Variants in EIF3D observed in about 807,000 individuals in gnomAD.
EIF3D encodes the protein eIF3 p66.
Under a neutral mutation model 75.4 loss-of-function variants are expected in EIF3D, and 10 were observed. The observed-to-expected ratio is 0.13, with a 90% CI of 0.08 to 0.22. The LOEUF is 0.22. EIF3D is among the 10% of genes least tolerant of loss of function. The pLI is 1.00. For missense variants in EIF3D, 394 were observed against 708.0 expected, an observed-to-expected ratio of 0.56 and a Z score of 5.03; for synonymous variants, 246 against 248.3, an observed-to-expected ratio of 0.99 and a Z score of 0.09.
intron 12 of EIF3D, 68 bp downstream of exon 12, chr22:36,516,409 TG>T: frequency 6.4e-7 from 1 of 1,559,886 alleles, no homozygotes; most frequent in Non-Finnish European, 8.7e-7. Context: ...CAACCTAGCC[TG>T]CGTAAACAGG....
rs369566271 is a variant in EIF3D at position 36,511,791 on chromosome 22, CAG to C, written c.1350-7_1350-6del. Reference sequence around the variant, plus strand: ...ACGTGGTACCGAGACACATAACTAACAGGGGAAGGGATATCAGTGGTCAGAGC... The same window carrying C: ...ACGTGGTACCGAGACACATAACTAACGGGAAGGGATATCAGTGGTCAGAGC... On this transcript the variant is annotated splice_polypyrimidine_tract_variant and splice_region_variant and intron_variant, in intron 13 of 14. Transcript: ENST00000216190. 480 of 1,611,100 alleles carry C rather than the reference CAG, an allele frequency of 3.0e-4. No individual in the cohort carries two copies. Among genetic ancestry groups the C allele is most frequent in the Non-Finnish European group, 3.9e-4 (454 of 1,178,078 alleles).
chr22:36,517,480 C>G, intron 9 of EIF3D, 49 bp from the exon 10 acceptor site: 1 of 1,575,912 alleles, frequency 6.3e-7, no homozygotes, highest in Non-Finnish European at 8.6e-7. Flanking sequence ...GAGTCACTGA[C>G]AATGTGCGCA....
chr22:36,523,384 T>A, intron 5 of EIF3D, 103 bp from the exon 6 acceptor site: 2 of 875,876 alleles, frequency 2.3e-6, no homozygotes, highest in Admixed American at 2.3e-5. Context: ...CCATCACCAC[T>A]AACTCCTTTA....
chr22:36,516,722 G>A lies in EIF3D; in HGVS notation c.1059C>T (p.Ile353=), dbSNP rs183188813. 12 of 1,614,088 alleles carry A rather than the reference G, an allele frequency of 7.4e-6. No homozygotes were observed. Among genetic ancestry groups the A allele is most frequent in the Non-Finnish European group, 5.1e-6 (6 of 1,180,052 alleles). ...FVEDDMDKNE[I]ASVAYRYRRW... Reference sequence around the variant, plus strand: ...TGACCTACCGGTACGCAACAGAGGCGATTTCATTCTTATCCATGTCGTCCT... The same window carrying A: ...TGACCTACCGGTACGCAACAGAGGCAATTTCATTCTTATCCATGTCGTCCT... The change falls in exon 11 of 15, where the codon ATC becomes ATT. Residue 353 remains isoleucine (I), a synonymous_variant. Transcript: ENST00000216190.
Position 36,526,030 on chromosome 22 carries a change from TG to T in EIF3D, c.91del (p.Gln31SerfsTer9). ...VPEQFRDMPYQPFSKGDRLGK... is the reference protein window; with the variant it reads ...VPEQFRDMPYXPFSKGDRLGK... ...TAGCCGATCTCCTTTGCTGAACGGC[TG>T]GTAGGGCATATCCCGAAACTGCTCG... On this transcript the variant is annotated frameshift_variant, in exon 2 of 15. Transcript: ENST00000216190. LOFTEE classifies it high-confidence loss of function. 6.2e-7 allele frequency: 1 copy of T among 1,613,348 alleles called. No homozygotes were observed.
intron 1 of EIF3D, chr22:36,526,995 G>A (rs1934614984): frequency 6.6e-6 from 1 of 152,102 alleles, no homozygotes; most frequent in South Asian, 2.1e-4. Context: ...TGTATATAGA[G>A]TGCTGAGAAA....
intron 12 of EIF3D, among the ~76,000 whole-genome samples, chr22:36,513,899 T>C (rs1308201898): frequency 3.9e-5 from 6 of 152,230 alleles, no homozygotes; most frequent in African/African-American, 7.2e-5. Context: ...GCACTGCTGA[T>C]GAAGCGTGTA....
Position 36,511,676 on chromosome 22 carries a change from G to C in EIF3D, c.1460C>G (p.Ala487Gly). 1 of 1,614,110 alleles carries C rather than the reference G, an allele frequency of 6.2e-7. No homozygotes were observed. Among genetic ancestry groups the C allele is most frequent in the Non-Finnish European group, 8.5e-7 (1 of 1,180,018 alleles). The change falls in exon 14 of 15, where the codon GCC (alanine) becomes GGC (glycine). Residue 487 changes from alanine (A) to glycine (G), a missense_variant. Physicochemically the swap from Ala to Gly is moderately conservative, Grantham distance 60 (BLOSUM62 0). Coordinates refer to ENST00000216190, the MANE Select transcript of EIF3D (RefSeq NM_003753.4). Reference sequence around the variant, plus strand: ...AATGACGCAGCGTAAAATGCCCCAGGCATTCTCCACGCTCAGGTTGATCTG... The same window carrying C: ...AATGACGCAGCGTAAAATGCCCCAGCCATTCTCCACGCTCAGGTTGATCTG... ...ASQINLSVEN[A>G]WGILRCVIDI...
chr22:36,523,397 C>A, intron 5 of EIF3D, 116 bp from the exon 6 acceptor site: 1 of 816,508 alleles, frequency 1.2e-6, no homozygotes, highest in Admixed American at 2.3e-5. Flanking sequence ...CTCCTTTAAA[C>A]TACGAAAAAT....
chr22:36,527,198 C>T (rs911592133), intron 1 of EIF3D, among the ~76,000 whole-genome samples: 2 of 152,224 alleles, frequency 1.3e-5, no homozygotes, highest in South Asian at 2.1e-4. Context: ...TACTGCCAGG[C>T]ACTGTTCTTA....
intron 12 of EIF3D, among the ~76,000 whole-genome samples, chr22:36,513,566 G>A (rs1194695161): frequency 6.6e-6 from 1 of 152,194 alleles, no homozygotes; most frequent in African/African-American, 2.4e-5. Context: ...GCCTCCCAAA[G>A]TGCTGGGATT....
In EIF3D at chr22:36,517,589, G is replaced by A. The variant is rs144003305; in HGVS notation, c.860-158C>T. On this transcript the variant is annotated intron_variant, in intron 9 of 14. Transcript: ENST00000216190. Reference sequence around the variant, plus strand: ...TCTCCCTGGTGTGGAACACATAAGCGGGGGAGTGGGGCAGCTGCTCCAGGA... The same window carrying A: ...TCTCCCTGGTGTGGAACACATAAGCAGGGGAGTGGGGCAGCTGCTCCAGGA... 5,033 of 689,564 alleles carry A rather than the reference G, an allele frequency of 7.3e-3. 198 individuals are homozygous for A. The African/African-American group carries it at 0.085, about 12-fold the overall frequency. 42.7% of individuals were successfully genotyped at this position (689,564 alleles called of 1,614,324 possible).
intron 1 of EIF3D, among the ~76,000 whole-genome samples, 185 bp from the exon 2 acceptor site, chr22:36,526,316 C>T (rs755610978): frequency 1.9e-4 from 29 of 152,292 alleles, no homozygotes; most frequent in South Asian, 6.2e-4. Context: ...GTACTTAAAA[C>T]TGAGAAGAAT....
chr22:36,523,830 C>A, intron 5 of EIF3D, 65 bp downstream of exon 5: 1 of 1,454,138 alleles, frequency 6.9e-7, no homozygotes, highest in South Asian at 1.1e-5. Context: ...CTGCTTTGGT[C>A]CTGTGGTTTC....
At chr22:36,524,488 T>C (rs1934564661) in intron 4 of EIF3D, 108 bp downstream of exon 4, 2 of 1,506,444 alleles carry the variant, frequency 1.3e-6, no homozygotes, top group South Asian at 2.5e-5. Context: ...CGAAAAGACC[T>C]ATAATATGCT....
At chr22:36,513,065 G>A (rs1338358349) in intron 12 of EIF3D, 1 of 155,012 alleles carries the variant, frequency 6.5e-6, no homozygotes, top group Non-Finnish European at 1.4e-5. Context: ...GTTGGCCTTA[G>A]ATGGGGGTGG....
At position 36,518,914 on chromosome 22, in the gene EIF3D, C is replaced by T; in HGVS notation, c.712-4G>A. On this transcript the variant is annotated splice_polypyrimidine_tract_variant and splice_region_variant and intron_variant, in intron 8 of 14. Coordinates refer to ENST00000216190, the MANE Select transcript of EIF3D (RefSeq NM_003753.4). Reference sequence around the variant, plus strand: ...CATTCCCCTGAGTTTTTGCCAGCTGCAAAGAGGATCAAAGAGAGAAGATGG... The same window carrying T: ...CATTCCCCTGAGTTTTTGCCAGCTGTAAAGAGGATCAAAGAGAGAAGATGG... 1 of 1,613,440 alleles carries T rather than the reference C, an allele frequency of 6.2e-7. No homozygotes were observed. Among genetic ancestry groups the T allele is most frequent in the East Asian group, 2.2e-5 (1 of 44,866 alleles).
At chr22:36,513,519 T>C (rs998152539) in intron 12 of EIF3D, among the ~76,000 whole-genome samples, 1 of 152,134 alleles carries the variant, frequency 6.6e-6, no homozygotes, top group Non-Finnish European at 1.5e-5. Context: ...GCCAGGCTGG[T>C]CTCGAACTCC....
At chr22:36,521,678 G>A (rs1466756597) in intron 6 of EIF3D, among the ~76,000 whole-genome samples, 1 of 151,520 alleles carries the variant, frequency 6.6e-6, no homozygotes, top group African/African-American at 2.4e-5. Flanking sequence ...TGTAATCCCA[G>A]CACTTTGGGA....
Sources: allele counts gnomAD v4.1 joint callset (sites outside exome capture counted in the v4.1 genomes callset), GRCh38; gene constraint gnomAD v4.1.1; transcripts MANE v1.5; gene names NCBI Gene and HGNC (gene_info 2026-07-23, HGNC 2026-07-21).